QTMAN: variants seen among roughly 807,000 people sequenced by gnomAD.
QTMAN encodes queuosine-tRNA mannosyltransferase, also known as tRNA-queuosine alpha-mannosyltransferase.
chr2:143,999,504 C>T, the QTMAN span, among the ~76,000 whole-genome samples: 163 of 151,554 alleles, frequency 1.1e-3, 1 homozygote, highest in African/African-American at 3.6e-3. Context: ...GCTTAGTGAC[C>T]GGAAAGGAGA....
chr2:144,068,739 A>G, the QTMAN span, among the ~76,000 whole-genome samples: 1 of 152,200 alleles, frequency 6.6e-6, no homozygotes, highest in Admixed American at 6.5e-5. Flanking sequence ...CAAAGATTTT[A>G]TACTCTGGAG....
the QTMAN span, among the ~76,000 whole-genome samples, chr2:144,246,801 T>G: frequency 1.3e-5 from 2 of 152,048 alleles, no homozygotes; most frequent in Non-Finnish European, 2.9e-5. Flanking sequence ...CTCCTCATCT[T>G]TACAGTTTTT....
chr2:144,079,077 T>G, the QTMAN span, among the ~76,000 whole-genome samples: 1 of 152,138 alleles, frequency 6.6e-6, no homozygotes, highest in Non-Finnish European at 1.5e-5. Flanking sequence ...CTGAACTGTT[T>G]GGTTATAATT....
At chr2:144,260,078 T>C in the QTMAN span, among the ~76,000 whole-genome samples, 3 of 152,172 alleles carry the variant, frequency 2.0e-5, no homozygotes, top group Non-Finnish European at 2.9e-5. Context: ...AGATAATATG[T>C]AGTTAACTTT....
the QTMAN span, among the ~76,000 whole-genome samples, chr2:144,231,594 C>T: frequency 2.0e-5 from 3 of 151,828 alleles, no homozygotes; most frequent in South Asian, 4.1e-4. Context: ...AAAACTCAAC[C>T]GTATTTACCA....
the QTMAN span, among the ~76,000 whole-genome samples, chr2:143,999,329 A>C: frequency 4.5e-3 from 690 of 152,070 alleles, 14 homozygotes; most frequent in East Asian, 0.065. Flanking sequence ...AAGGCAGAGG[A>C]CTACAAGGCA....
At chr2:144,096,681 TTC>T in the QTMAN span, among the ~76,000 whole-genome samples, 1 of 152,242 alleles carries the variant, frequency 6.6e-6, no homozygotes, top group Non-Finnish European at 1.5e-5. Flanking sequence ...GAGAGTGCTC[TTC>T]TCTGTCACAT....
the QTMAN span, among the ~76,000 whole-genome samples, chr2:144,265,326 C>G: frequency 6.6e-6 from 1 of 152,158 alleles, no homozygotes; most frequent in African/African-American, 2.4e-5. Context: ...GCAACAAATG[C>G]CTTTAACATT....
chr2:144,072,560 A>G, the QTMAN span, among the ~76,000 whole-genome samples: 1 of 152,210 alleles, frequency 6.6e-6, no homozygotes, highest in African/African-American at 2.4e-5. Context: ...GGCAGAACAC[A>G]GTTCTAAGTC....
the QTMAN span, among the ~76,000 whole-genome samples, chr2:144,155,291 T>C: frequency 1.3e-5 from 2 of 152,152 alleles, no homozygotes; most frequent in Admixed American, 6.6e-5. Context: ...ATGTACAATA[T>C]CTTGATAATA....
chr2:144,142,617 A>G, the QTMAN span, among the ~76,000 whole-genome samples: 73 of 152,150 alleles, frequency 4.8e-4, 2 homozygotes, highest in South Asian at 0.014. Flanking sequence ...TTAAGTTTTT[A>G]AAAGTTCTGG....
the QTMAN span, among the ~76,000 whole-genome samples, chr2:144,147,087 A>G: frequency 6.6e-6 from 1 of 151,916 alleles, no homozygotes; most frequent in African/African-American, 2.4e-5. Flanking sequence ...AGGTGTTTAT[A>G]TGATCTGCCG....
At chr2:144,218,063 G>A in the QTMAN span, among the ~76,000 whole-genome samples, 47 of 152,286 alleles carry the variant, frequency 3.1e-4, no homozygotes, top group African/African-American at 1.1e-3. Flanking sequence ...TTCAATAAAT[G>A]TGTGTTGAGT....
At chr2:144,249,385 G>C in the QTMAN span, among the ~76,000 whole-genome samples, 1 of 152,268 alleles carries the variant, frequency 6.6e-6, no homozygotes, top group African/African-American at 2.4e-5. Flanking sequence ...CACGCTTTCA[G>C]AATAGACCAT....
the QTMAN span, among the ~76,000 whole-genome samples, chr2:144,008,686 G>A: frequency 6.6e-6 from 1 of 151,734 alleles, no homozygotes; most frequent in Non-Finnish European, 1.5e-5. Context: ...GAGAGCAGAA[G>A]GGAACATCTG....
chr2:144,080,602 A>T, the QTMAN span, among the ~76,000 whole-genome samples: 5 of 152,212 alleles, frequency 3.3e-5, no homozygotes, highest in South Asian at 1.0e-3. Context: ...ACACAGATTA[A>T]AATGTTGCTC....
chr2:144,149,131 A>G, the QTMAN span, among the ~76,000 whole-genome samples: 1 of 151,902 alleles, frequency 6.6e-6, no homozygotes, highest in African/African-American at 2.4e-5. Context: ...ACATCACTTG[A>G]TCAGCAGCTA....
chr2:144,057,362 T>C, the QTMAN span, among the ~76,000 whole-genome samples: 5 of 152,224 alleles, frequency 3.3e-5, no homozygotes, highest in African/African-American at 1.2e-4. Flanking sequence ...ACTTGTTATT[T>C]ATCAAGTTAC....
At chr2:144,283,441 T>C in the QTMAN span, among the ~76,000 whole-genome samples, 2 of 152,276 alleles carry the variant, frequency 1.3e-5, no homozygotes, top group East Asian at 1.9e-4. Flanking sequence ...TTTTCTCCTA[T>C]TATACACACG....
Sources: gnomAD v4.1 joint callset for allele counts (sites outside exome capture counted in the v4.1 genomes callset) on GRCh38, gnomAD v4.1.1 for gene constraint, MANE v1.5 for transcripts, NCBI Gene and HGNC (gene_info 2026-07-23, HGNC 2026-07-21) for gene names.